The following NR3C1 variants were observed in gnomAD, a reference collection of about 807,000 sequenced individuals.
NR3C1 encodes glucocorticoid receptor.
Under a neutral mutation model 74.0 loss-of-function variants are expected in NR3C1, and 14 were observed. The observed-to-expected ratio is 0.19, with a 90% CI of 0.12 to 0.30. The LOEUF (loss-of-function observed/expected upper bound fraction) is 0.30, where lower values mean the gene tolerates loss of function less well. Ranked by LOEUF, NR3C1 falls within the 10% of genes least tolerant of loss-of-function variation. The pLI is 1.00. For synonymous variants in NR3C1, 308 were observed against 332.5 expected (o/e 0.93, Z 0.80); for missense variants, 695 against 909.8 (o/e 0.76, Z 3.04).
intron 5 of NR3C1, among the ~76,000 whole-genome samples, chr5:143,299,562 A>G (rs2151553531): frequency 6.6e-6 from 1 of 152,334 alleles, no homozygotes; most frequent in Non-Finnish European, 1.5e-5. Context: ...ATAGTTAACA[A>G]TAATTTACTT....
chr5:143,322,046 A>G (rs768367274), intron 2 of NR3C1, among the ~76,000 whole-genome samples: 2 of 152,200 alleles, frequency 1.3e-5, no homozygotes, highest in Non-Finnish European at 2.9e-5. Context: ...GACAGCTAAC[A>G]TGGTAAATAT....
rs70991802 is a variant in NR3C1, at chr5:143,306,874, A to ATTTTTTTT, written c.1468+3215_1468+3222dup. Among the ~76,000 whole-genome samples, 17 of 82,904 alleles carry ATTTTTTTT rather than the reference A, an allele frequency of 2.1e-4. 3 individuals carry two copies. Among genetic ancestry groups the ATTTTTTTT allele is most frequent in the African/African-American group, 6.1e-4 (12 of 19,652 alleles). The allele number at this position is 82,904 out of a possible 152,430, so 54.4% of individuals were successfully genotyped here. A position where few individuals can be genotyped will look rare whatever the true frequency, so the allele number is the denominator to read the frequency against. On this transcript the variant is annotated intron_variant, in intron 4 of 8. Coordinates refer to ENST00000394464, the MANE Select transcript of NR3C1 (RefSeq NM_000176.3). ...ACTGCAGCCTAAATTGTATGCTTAA[A>ATTTTTTTT]TTTTTTTTTTTTTTTTTTTTTTTTT... is the stretch of plus-strand genomic sequence containing the variant.
intron 2 of NR3C1, among the ~76,000 whole-genome samples, chr5:143,346,660 T>C (rs1332019938): frequency 1.3e-5 from 2 of 152,202 alleles, no homozygotes; most frequent in African/African-American, 4.8e-5. Flanking sequence ...TAGTTGTGAC[T>C]AAAATGAAAT....
chr5:143,297,404 T>C (rs1235888594), intron 6 of NR3C1, among the ~76,000 whole-genome samples: 2 of 152,200 alleles, frequency 1.3e-5, no homozygotes, highest in Admixed American at 1.3e-4. Context: ...TCAAATTACA[T>C]ATTAGAAAGT....
chr5:143,282,458 A>T, intron 8 of NR3C1, 110 bp downstream of exon 8: 1 of 1,247,874 alleles, frequency 8.0e-7, no homozygotes, highest in South Asian at 1.3e-5. Flanking sequence ...ACCAACATCC[A>T]CAAACTGGGG....
At chr5:143,419,713 C>T (rs748840053) in intron 1 of NR3C1, among the ~76,000 whole-genome samples, 11 of 152,204 alleles carry the variant, frequency 7.2e-5, no homozygotes, top group Non-Finnish European at 8.8e-5. Flanking sequence ...GGAGGCAGGG[C>T]GAAATCACAG....
At chr5:143,369,369 T>A (rs1042440729) in intron 2 of NR3C1, among the ~76,000 whole-genome samples, 1 of 152,188 alleles carries the variant, frequency 6.6e-6, no homozygotes, top group Non-Finnish European at 1.5e-5. Flanking sequence ...AATAAAGATA[T>A]ATGTCTACAC....
In NR3C1 at chr5:143,279,263, C is replaced by T. The variant is rs115618248; in HGVS notation, c.*2626G>A. ...TTAATGAAAAGCCTCCTATAGTTGT[C>T]GATGAGCATCAGTTGACTTATTATT... On this transcript the variant is annotated 3_prime_UTR_variant, in exon 9 of 9. Coordinates refer to ENST00000394464, the MANE Select transcript of NR3C1 (RefSeq NM_000176.3). 41 of 1,356,920 alleles carry T rather than the reference C, an allele frequency of 3.0e-5. No homozygotes were observed. The highest frequency in any genetic ancestry group is 1.8e-4 in the Middle Eastern group (1 of 5,568). 84.1% of individuals were successfully genotyped at this position (1,356,920 alleles called of 1,614,324 possible).
rs1826410125 is a variant in NR3C1 at position 143,333,388 on chromosome 5, G to A, written c.1185-19220C>T. On this transcript the variant is annotated intron_variant, in intron 2 of 8. Coordinates refer to ENST00000394464, the MANE Select transcript of NR3C1 (RefSeq NM_000176.3). The stretch of plus-strand genomic sequence containing the variant: ...GAGGAGGCTGGTACAAATAGATGGA[G>A]ACCTGCTGGGATCAGTGAATGCCTG... The A allele has an allele frequency of 2.3e-5, 14 of 617,260 alleles. No individual in the cohort carries two copies. In the Admixed American group the frequency reaches 3.5e-4, roughly 15 times the overall value. The allele number at this position is 617,260 out of a possible 1,614,324, so 38.2% of individuals were successfully genotyped here.
intron 1 of NR3C1, among the ~76,000 whole-genome samples, chr5:143,412,823 A>C (rs1279708453): frequency 1.3e-5 from 2 of 152,242 alleles, no homozygotes; most frequent in African/African-American, 4.8e-5. Flanking sequence ...CAGAAGAAGG[A>C]AAGATTCTCA....
chr5:143,423,187 G>A (rs575787332), intron 1 of NR3C1, among the ~76,000 whole-genome samples: 117 of 152,276 alleles, frequency 7.7e-4, no homozygotes, highest in African/African-American at 2.6e-3. Context: ...TCAACAAAGT[G>A]AAGAGACAAC....
At chr5:143,303,395 G>A (rs889333717) in intron 4 of NR3C1, among the ~76,000 whole-genome samples, 2 of 151,848 alleles carry the variant, frequency 1.3e-5, no homozygotes, top group African/African-American at 2.4e-5. Context: ...CTGAAATTCT[G>A]AACAGACCAA....
intron 2 of NR3C1, among the ~76,000 whole-genome samples, chr5:143,339,475 C>T (rs951076677): frequency 2.6e-5 from 4 of 152,134 alleles, no homozygotes; most frequent in Non-Finnish European, 4.4e-5. Flanking sequence ...CTGAGCTTTT[C>T]ATTTATGTTA....
At chr5:143,426,708 C>T (rs948474743) in intron 1 of NR3C1, among the ~76,000 whole-genome samples, 11 of 152,162 alleles carry the variant, frequency 7.2e-5, no homozygotes, top group African/African-American at 1.4e-4. Context: ...TTTATTAAAA[C>T]GTTACGGTAC....
intron 1 of NR3C1, among the ~76,000 whole-genome samples, chr5:143,410,020 G>T (rs1841240602): frequency 6.6e-6 from 1 of 152,214 alleles, no homozygotes; most frequent in Non-Finnish European, 1.5e-5. Flanking sequence ...GCAGCTATCA[G>T]CAGATAAATG....
chr5:143,310,844 G>A (rs1470401910), intron 3 of NR3C1, among the ~76,000 whole-genome samples: 1 of 152,040 alleles, frequency 6.6e-6, no homozygotes, highest in Non-Finnish European at 1.5e-5. Context: ...TTTTAGTAGA[G>A]ACAGGGTTTC....
At chr5:143,407,858 T>C (rs1265523901), upstream of NR3C1, among the ~76,000 whole-genome samples, 3 of 152,188 alleles carry the variant, frequency 2.0e-5, no homozygotes, top group Non-Finnish European at 4.4e-5. Flanking sequence ...GTATATACAA[T>C]AACTCTTGAT....
At chr5:143,393,870 T>C (rs1327602846) in intron 2 of NR3C1, among the ~76,000 whole-genome samples, 1 of 152,108 alleles carries the variant, frequency 6.6e-6, no homozygotes, top group Non-Finnish European at 1.5e-5. Context: ...TAAAGGCTAA[T>C]TTTATTGTAA....
chr5:143,360,579 G>C (rs1170129709), intron 2 of NR3C1, among the ~76,000 whole-genome samples: 1 of 152,162 alleles, frequency 6.6e-6, no homozygotes, highest in African/African-American at 2.4e-5. Flanking sequence ...ATTAACTTAA[G>C]CCTAATCTAA....
Sources: allele counts gnomAD v4.1 joint callset (sites outside exome capture counted in the v4.1 genomes callset), GRCh38; gene constraint gnomAD v4.1.1; transcripts MANE v1.5; gene names NCBI Gene and HGNC (gene_info 2026-07-23, HGNC 2026-07-21).